Variants in GALNT16 observed in about 807,000 individuals in gnomAD.
GALNT16 encodes UDP-GalNAc:polypeptide N-acetylgalactosaminyltransferase-like protein 1.
GALNT16 carries 40 observed loss-of-function variants against 76.1 expected under a neutral mutation model. The observed-to-expected ratio is 0.53, with a 90% CI of 0.41 to 0.68. The LOEUF (loss-of-function observed/expected upper bound fraction) is 0.68. Ranked by LOEUF, GALNT16 falls within the 30% of genes least tolerant of loss-of-function variation. The pLI is 0.00. For synonymous variants in GALNT16, 276 were observed against 285.2 expected, an observed-to-expected ratio of 0.97 and a Z score of 0.32; for missense variants, 621 against 731.9, an observed-to-expected ratio of 0.85 and a Z score of 1.75.
At chr14:69,286,410 TCTC>T (rs924768850) in intron 1 of GALNT16, among the ~76,000 whole-genome samples, 1 of 151,932 alleles carries the variant, frequency 6.6e-6, no homozygotes, top group African/African-American at 2.4e-5. Context: ...TTCAAGTGAT[TCTC>T]CTGCCTCAGC....
chr14:69,380,644 A>G, the GALNT16 span: 1 of 1,568,632 alleles, frequency 6.4e-7, no homozygotes, highest in African/African-American at 1.3e-5. Flanking sequence ...TCGGTAACTG[A>G]GGAGAGAAAG....
chr14:69,333,876 A>G lies in GALNT16; in HGVS notation c.967+276A>G. The G allele has an allele frequency of 2.4e-6, 1 of 413,202 alleles. No homozygotes were observed. Among genetic ancestry groups the G allele is most frequent in the East Asian group, 5.6e-5 (1 of 17,752 alleles). The allele number at this position is 413,202 out of a possible 1,614,324, so 25.6% of individuals were successfully genotyped here. On this transcript the variant is annotated intron_variant, in intron 9 of 14. Transcript: ENST00000448469. The surrounding 1 kb of genome is among the most constrained non-coding windows in gnomAD (Gnocchi z 4.2). ...GGGGAGCCCGTGGTCACATGGCTGG[A>G]CATGTGTGTGGAAGAACACACAACT... is the stretch of plus-strand genomic sequence containing the variant.
At chr14:69,264,343 G>C (rs990916710) in intron 1 of GALNT16, among the ~76,000 whole-genome samples, 3 of 152,110 alleles carry the variant, frequency 2.0e-5, no homozygotes, top group Admixed American at 6.5e-5. Context: ...TGATTTGCAA[G>C]GTTTGTTGAT....
intron 2 of GALNT16, among the ~76,000 whole-genome samples, chr14:69,323,038 T>G (rs3902951): frequency 0.26 from 37,529 of 144,908 alleles, 5,904 homozygotes; most frequent in East Asian, 0.58. Flanking sequence ...CGTGCTGGCT[T>G]TAGTGGGCAG....
At chr14:69,277,641 G>A (rs2044489470) in intron 1 of GALNT16, among the ~76,000 whole-genome samples, 1 of 152,166 alleles carries the variant, frequency 6.6e-6, no homozygotes, top group East Asian at 1.9e-4. Flanking sequence ...CATTTGGGTT[G>A]GTTCCAAGTC....
chr14:69,361,132 T>A (rs188718672), downstream of GALNT16, among the ~76,000 whole-genome samples: 13 of 152,304 alleles, frequency 8.5e-5, no homozygotes, highest in East Asian at 2.5e-3. Context: ...CCTCAGAAGA[T>A]CTATTAATCA....
In GALNT16 at chr14:69,341,730, C is replaced by T. The variant is rs142128849; in HGVS notation, c.1237C>T (p.Arg413Cys). ...GAAGAAGATGAACTGCAAGTCCTTC[C>T]GCTGGTACCTGGAGAACGTCTACCC... Reference protein sequence around the residue: ...QRKKMNCKSFRWYLENVYPEL... With the variant: ...QRKKMNCKSFCWYLENVYPEL... The change falls in exon 12 of 15, where the codon CGC becomes TGC. Residue 413 changes from arginine to cysteine, a missense_variant. Arg to Cys is a radical substitution (Grantham distance 180, BLOSUM62 -3). Transcript: ENST00000448469. 6.7e-4 allele frequency: 1,073 copies of T among 1,613,022 alleles called. 2 individuals carry two copies. Among genetic ancestry groups the T allele is most frequent in the Middle Eastern group, 1.8e-3 (11 of 6,058 alleles).
intron 1 of GALNT16, among the ~76,000 whole-genome samples, chr14:69,282,471 A>G (rs1191636596): frequency 6.6e-6 from 1 of 151,998 alleles, no homozygotes; most frequent in Non-Finnish European, 1.5e-5. Flanking sequence ...AGCCCTCTCC[A>G]GCCTGTACCT....
At chr14:69,381,985 C>A in the GALNT16 span, among the ~76,000 whole-genome samples, 3 of 152,214 alleles carry the variant, frequency 2.0e-5, no homozygotes, top group African/African-American at 7.2e-5. Flanking sequence ...GCCACCGCAC[C>A]TGGCCTCCTT....
At chr14:69,305,742 G>A (rs4496059) in intron 1 of GALNT16, among the ~76,000 whole-genome samples, 5 of 151,896 alleles carry the variant, frequency 3.3e-5, no homozygotes, top group Non-Finnish European at 5.9e-5. Context: ...GATTGTGTCC[G>A]TTGCTGTGCA....
rs1209906765 is a variant in GALNT16, at chr14:69,352,700, C to G, written c.*532C>G. ...AGGAAGGAGGTGAGAAGCCCGGTGA[C>G]CTGTCAGAGATGCCAAGCCCAGGGT... On this transcript the variant is annotated 3_prime_UTR_variant, in exon 15 of 15. Transcript: ENST00000448469. 1 of 153,092 alleles carries G rather than the reference C, an allele frequency of 6.5e-6. No homozygotes were observed. The highest frequency in any genetic ancestry group is 1.5e-5 in the Non-Finnish European group (1 of 68,672). The allele number at this position is 153,092 out of a possible 1,614,324, so 9.5% of individuals were successfully genotyped here.
chr14:69,273,899 C>T (rs905113167), intron 1 of GALNT16, among the ~76,000 whole-genome samples: 11 of 152,200 alleles, frequency 7.2e-5, no homozygotes, highest in Admixed American at 6.5e-4. Context: ...TCTGTCTTTC[C>T]TCTTCTTTGC....
At chr14:69,310,144 C>A (rs899897275) in intron 1 of GALNT16, among the ~76,000 whole-genome samples, 6 of 152,040 alleles carry the variant, frequency 3.9e-5, no homozygotes, top group Admixed American at 3.9e-4. Context: ...GTAAGACATA[C>A]TATAAGACTA....
chr14:69,370,276 A>G, the GALNT16 span, among the ~76,000 whole-genome samples: 3 of 152,336 alleles, frequency 2.0e-5, no homozygotes, highest in South Asian at 6.2e-4. Flanking sequence ...AAGCAACCAG[A>G]CAAGTCGTCC....
chr14:69,302,303 A>C (rs568481805), intron 1 of GALNT16, among the ~76,000 whole-genome samples: 6 of 152,288 alleles, frequency 3.9e-5, no homozygotes, highest in East Asian at 3.9e-4. Flanking sequence ...TAATCCCAGC[A>C]CCCAGAAATA....
At chr14:69,332,411 TC>T (rs2045362436) in intron 7 of GALNT16, 1 of 152,754 alleles carries the variant, frequency 6.5e-6, no homozygotes, top group Non-Finnish European at 1.5e-5. Flanking sequence ...TAGCCACATT[TC>T]AAGGCTCAGT....
At chr14:69,316,608 GA>G (rs2140157677) in intron 1 of GALNT16, among the ~76,000 whole-genome samples, 1 of 152,292 alleles carries the variant, frequency 6.6e-6, no homozygotes, top group East Asian at 1.9e-4. Flanking sequence ...CGTCCTGCAG[GA>G]GGTTTGAGCA....
intron 6 of GALNT16, among the ~76,000 whole-genome samples, chr14:69,330,519 CA>C (rs910150381): frequency 1.4e-4 from 21 of 151,758 alleles, no homozygotes; most frequent in Non-Finnish European, 1.2e-4. Context: ...TATCTCAGCA[CA>C]AAAAAAAGTC....
At chr14:69,328,977 T>C (rs2045320640) in intron 6 of GALNT16, among the ~76,000 whole-genome samples, 1 of 152,134 alleles carries the variant, frequency 6.6e-6, no homozygotes, top group South Asian at 2.1e-4. Context: ...CCTACTGTTC[T>C]CCAGAACAGG....
Sources: allele counts gnomAD v4.1 joint callset (sites outside exome capture counted in the v4.1 genomes callset), GRCh38; gene constraint gnomAD v4.1.1; non-coding constraint Gnocchi (gnomAD v3.1); transcripts MANE v1.5; gene names NCBI Gene and HGNC (gene_info 2026-07-23, HGNC 2026-07-21).